EPB41L4A: variants seen among roughly 807,000 people sequenced by gnomAD.
EPB41L4A encodes erythrocyte membrane protein band 4.1 like 4A.
A neutral mutation model predicts 108.6 loss-of-function variants in EPB41L4A; 100 were observed. That is an observed-to-expected ratio of 0.92 (90% CI 0.78 to 1.09). The LOEUF is 1.09. EPB41L4A is among the 50% of genes least tolerant of loss of function. The pLI is 0.00. For synonymous variants in EPB41L4A, 319 were observed against 289.0 expected (o/e 1.10, Z -1.05); for missense variants, 1,030 against 842.7 (o/e 1.22, Z -2.75).
chr5:112,208,785 A>G (rs945811986), intron 13 of EPB41L4A, among the ~76,000 whole-genome samples: 5 of 152,238 alleles, frequency 3.3e-5, no homozygotes, highest in Non-Finnish European at 7.3e-5. Context: ...ATTCTAAAAA[A>G]GCGTGGGATC....
In EPB41L4A at chr5:112,171,133, A is replaced by T. The variant is rs901280054; in HGVS notation, c.1623-141T>A. 2.6e-5 allele frequency: 18 copies of T among 700,032 alleles called. No individual in the cohort carries two copies. The South Asian group carries it at 3.0e-4, about 11-fold the overall frequency. The allele number at this position is 700,032 out of a possible 1,614,324, so 43.4% of individuals were successfully genotyped here. A position where few individuals can be genotyped will look rare whatever the true frequency, so the allele number is the denominator to read the frequency against. On this transcript the variant is annotated intron_variant, in intron 18 of 22. Coordinates refer to ENST00000261486, the MANE Select transcript of EPB41L4A (RefSeq NM_022140.5). The stretch of plus-strand genomic sequence containing the variant: ...AAGGAAAGACTGGACAGGGAGAGCC[A>T]TTGTGATGGTTAGTATAAAGACACC...
chr5:112,378,454 G>A (rs112267081), intron 1 of EPB41L4A, among the ~76,000 whole-genome samples: 1 of 152,282 alleles, frequency 6.6e-6, no homozygotes, highest in African/African-American at 2.4e-5. Flanking sequence ...AATTCAGGAT[G>A]ATCAGGATAT....
chr5:112,293,809 G>A (rs542899014), intron 2 of EPB41L4A, among the ~76,000 whole-genome samples: 1 of 152,282 alleles, frequency 6.6e-6, no homozygotes, highest in East Asian at 1.9e-4. Context: ...AATTCTCATG[G>A]TGTTTCACAT....
intron 1 of EPB41L4A, among the ~76,000 whole-genome samples, chr5:112,360,707 G>A (rs982834711): frequency 3.9e-5 from 6 of 152,200 alleles, no homozygotes; most frequent in African/African-American, 1.4e-4. Flanking sequence ...CGTCTAAGAA[G>A]TGAGGAGCAT....
At chr5:112,301,147 G>A (rs1305309508) in intron 2 of EPB41L4A, among the ~76,000 whole-genome samples, 2 of 151,826 alleles carry the variant, frequency 1.3e-5, no homozygotes, top group Non-Finnish European at 2.9e-5. Context: ...GCTTTTTCAG[G>A]TCAATCAGGG....
At chr5:112,229,921 G>A (rs1417930942) in intron 12 of EPB41L4A, among the ~76,000 whole-genome samples, 2 of 150,588 alleles carry the variant, frequency 1.3e-5, no homozygotes, top group African/African-American at 4.9e-5. Flanking sequence ...CCAGGAGGCA[G>A]AGTTTGCAGT....
In EPB41L4A at chr5:112,313,858, C is replaced by CTTT. The variant is rs1188991050; in HGVS notation, c.100-6371_100-6369dup. 9.2e-3 allele frequency among the ~76,000 whole-genome samples: 825 copies of CTTT among 89,442 alleles called. 35 individuals carry two copies. Among genetic ancestry groups the CTTT allele is most frequent in the East Asian group, 0.025 (70 of 2,824 alleles). The allele number at this position is 89,442 out of a possible 152,430, so 58.7% of individuals were successfully genotyped here. A position where few individuals can be genotyped will look rare whatever the true frequency, so the allele number is the denominator to read the frequency against. ...AACCGCTCCAAAAAAAGGTAACTTT[C>CTTT]TTTTTTTTTTTTTTTTTTTTTTTGA... is the stretch of plus-strand genomic sequence containing the variant. On this transcript the variant is annotated intron_variant, in intron 1 of 22. Transcript: ENST00000261486.
chr5:112,263,551 T>TA lies in EPB41L4A; in HGVS notation c.555-971dup, dbSNP rs1485086986. ...ATATATAATTGTGCTTTGAAATCCC[T>TA]AGTAGAATCAGTACTCTCATAATGT... On this transcript the variant is annotated intron_variant, in intron 6 of 22. Coordinates refer to ENST00000261486, the MANE Select transcript of EPB41L4A (RefSeq NM_022140.5). 3.9e-5 allele frequency: 6 copies of TA among 152,224 alleles called. No individual in the cohort carries two copies. In the East Asian group the frequency reaches 9.6e-4, roughly 24 times the overall value. The allele number at this position is 152,224 out of a possible 1,614,324, so 9.4% of individuals were successfully genotyped here. A position where few individuals can be genotyped will look rare whatever the true frequency, so the allele number is the denominator to read the frequency against.
chr5:112,166,019 T>C (rs1760220596), intron 22 of EPB41L4A, among the ~76,000 whole-genome samples: 1 of 152,150 alleles, frequency 6.6e-6, no homozygotes, highest in Non-Finnish European at 1.5e-5. Flanking sequence ...CCAGTGAATG[T>C]GAGAGGAGAA....
chr5:112,296,765 C>T (rs1333365338), intron 2 of EPB41L4A, among the ~76,000 whole-genome samples: 1 of 152,028 alleles, frequency 6.6e-6, no homozygotes, highest in Non-Finnish European at 1.5e-5. Flanking sequence ...CCTTCCTACC[C>T]CTTCCCTCCC....
At chr5:112,316,212 A>G (rs554874323) in intron 1 of EPB41L4A, among the ~76,000 whole-genome samples, 2 of 152,358 alleles carry the variant, frequency 1.3e-5, no homozygotes, top group East Asian at 3.9e-4. Context: ...CAAACCAGAA[A>G]GGCAGGTTCC....
intron 12 of EPB41L4A, among the ~76,000 whole-genome samples, chr5:112,215,536 G>A (rs1241493301): frequency 6.6e-6 from 1 of 152,110 alleles, no homozygotes; most frequent in Non-Finnish European, 1.5e-5. Context: ...GCCAAGGCGG[G>A]CGGATCATGA....
intron 7 of EPB41L4A, among the ~76,000 whole-genome samples, chr5:112,260,354 A>G (rs1751412592): frequency 6.6e-6 from 1 of 152,238 alleles, no homozygotes; most frequent in African/African-American, 2.4e-5. Context: ...GAAACAGTTA[A>G]ATCAGAATCT....
chr5:112,344,736 G>A (rs553292201), intron 1 of EPB41L4A, among the ~76,000 whole-genome samples: 131 of 152,310 alleles, frequency 8.6e-4, no homozygotes, highest in African/African-American at 2.9e-3. Context: ...CTGCCCTCCC[G>A]AGGTGCTGCC....
intron 12 of EPB41L4A, among the ~76,000 whole-genome samples, chr5:112,212,867 C>G (rs1353402992): frequency 6.6e-6 from 1 of 152,168 alleles, no homozygotes. Flanking sequence ...CACCCTCATT[C>G]TCTTTAGACT....
At chr5:112,351,402 C>G (rs7711318) in intron 1 of EPB41L4A, among the ~76,000 whole-genome samples, 101,953 of 151,972 alleles carry the variant, frequency 0.67, 34,427 homozygotes, top group South Asian at 0.83. Flanking sequence ...CGTACAACCC[C>G]CCAAGACTGA....
At chr5:112,238,911 A>G (rs1458443504) in intron 11 of EPB41L4A, among the ~76,000 whole-genome samples, 1 of 152,218 alleles carries the variant, frequency 6.6e-6, no homozygotes, top group Non-Finnish European at 1.5e-5. Context: ...CTGGTATCAG[A>G]AAAAGACATA....
chr5:112,334,107 A>G (rs531476321), intron 1 of EPB41L4A, among the ~76,000 whole-genome samples: 5 of 152,174 alleles, frequency 3.3e-5, no homozygotes, highest in African/African-American at 1.2e-4. Flanking sequence ...GTTCAGGCAC[A>G]CAGCCAACCA....
At chr5:112,231,261 T>C (rs1295200123) in intron 12 of EPB41L4A, among the ~76,000 whole-genome samples, 2 of 152,158 alleles carry the variant, frequency 1.3e-5, no homozygotes, top group Admixed American at 6.5e-5. Flanking sequence ...ATCCATGAGG[T>C]ATTATTAAGT....
Sources: allele counts gnomAD v4.1 joint callset (sites outside exome capture counted in the v4.1 genomes callset), GRCh38; gene constraint gnomAD v4.1.1; transcripts MANE v1.5; gene names NCBI Gene and HGNC (gene_info 2026-07-23, HGNC 2026-07-21).